The following MEF2A variants were observed in gnomAD, a reference collection of about 807,000 sequenced individuals.
The protein encoded by MEF2A is myocyte enhancer factor 2A.
A neutral mutation model predicts 55.8 loss-of-function variants in MEF2A; 28 were observed. That is an observed-to-expected ratio of 0.50 (90% CI 0.37 to 0.69). The LOEUF is 0.69. Ranked by LOEUF, MEF2A falls within the 30% of genes least tolerant of loss-of-function variation. The probability of loss-of-function intolerance (pLI) is 0.00; values close to 1 mark genes in which losing one functional copy is unlikely to be tolerated. For missense variants in MEF2A, 528 were observed against 626.2 expected (o/e 0.84, Z 1.67); for synonymous variants, 239 against 227.1 (o/e 1.05, Z -0.47).
intron 7 of MEF2A, among the ~76,000 whole-genome samples, chr15:99,679,588 T>C (rs2052814981): frequency 6.6e-6 from 1 of 152,224 alleles, no homozygotes; most frequent in Non-Finnish European, 1.5e-5. Context: ...AAATTCACAA[T>C]AGTGGTTACT....
At chr15:99,593,674 G>A (rs1183430136) in intron 1 of MEF2A, among the ~76,000 whole-genome samples, 1 of 152,164 alleles carries the variant, frequency 6.6e-6, no homozygotes, top group Non-Finnish European at 1.5e-5. Context: ...GAAGCATCCA[G>A]TGAAATTTTG....
chr15:99,627,282 T>C (rs940915498), intron 2 of MEF2A, among the ~76,000 whole-genome samples: 2 of 151,734 alleles, frequency 1.3e-5, no homozygotes, highest in African/African-American at 2.4e-5. Flanking sequence ...TAGCTGAACA[T>C]GATGATGGAT....
intron 8 of MEF2A, among the ~76,000 whole-genome samples, chr15:99,700,614 T>TA (rs2153783789): frequency 6.6e-6 from 1 of 152,280 alleles, no homozygotes; most frequent in South Asian, 2.1e-4. Flanking sequence ...TAGCATCCAG[T>TA]AACTGAACAT....
At chr15:99,599,443 A>C (rs1189581332) in intron 2 of MEF2A, among the ~76,000 whole-genome samples, 1 of 152,102 alleles carries the variant, frequency 6.6e-6, no homozygotes, top group Non-Finnish European at 1.5e-5. Context: ...CATAGGTCTA[A>C]ATTTTTTTTC....
At chr15:99,603,013 C>A (rs2862871) in intron 2 of MEF2A, among the ~76,000 whole-genome samples, 32,650 of 151,924 alleles carry the variant, frequency 0.21, 4,173 homozygotes, top group South Asian at 0.31. Context: ...AATCCCTATT[C>A]TTTTACATTT....
chr15:99,601,587 T>C (rs1973010848), intron 2 of MEF2A, among the ~76,000 whole-genome samples: 1 of 151,084 alleles, frequency 6.6e-6, no homozygotes, highest in East Asian at 2.0e-4. Flanking sequence ...TCTATTAATA[T>C]GGTCACCTAC....
At chr15:99,588,597 C>T (rs1181054305) in intron 1 of MEF2A, among the ~76,000 whole-genome samples, 1 of 151,568 alleles carries the variant, frequency 6.6e-6, no homozygotes, top group Non-Finnish European at 1.5e-5. Flanking sequence ...TGAGCCACTG[C>T]ACCTGGCCTT....
intron 4 of MEF2A, among the ~76,000 whole-genome samples, chr15:99,650,724 G>C (rs942424028): frequency 4.6e-5 from 7 of 152,202 alleles, no homozygotes; most frequent in African/African-American, 1.7e-4. Context: ...AATAAAAGCA[G>C]ATGGTAGTGA....
intron 7 of MEF2A, among the ~76,000 whole-genome samples, chr15:99,685,175 G>C (rs1252115264): frequency 6.6e-6 from 1 of 152,140 alleles, no homozygotes; most frequent in African/African-American, 2.4e-5. Context: ...TGGCTATGCA[G>C]GCTCTTTTGG....
chr15:99,644,012 G>A (rs562031824), intron 3 of MEF2A, among the ~76,000 whole-genome samples: 1 of 152,174 alleles, frequency 6.6e-6, no homozygotes, highest in African/African-American at 2.4e-5. Flanking sequence ...GTATTGGCTA[G>A]TTAAATTTTC....
intron 2 of MEF2A, among the ~76,000 whole-genome samples, chr15:99,614,189 C>T (rs537100805): frequency 2.6e-5 from 4 of 152,278 alleles, no homozygotes; most frequent in Non-Finnish European, 5.9e-5. Context: ...TCTAACACAG[C>T]TACTGATAAA....
intron 7 of MEF2A, among the ~76,000 whole-genome samples, chr15:99,684,157 A>G (rs2053777047): frequency 1.3e-5 from 2 of 152,114 alleles, no homozygotes; most frequent in African/African-American, 2.4e-5. Flanking sequence ...TATTTTCGCA[A>G]TTGCAAAATG....
chr15:99,608,996 G>T (rs1178919070), intron 2 of MEF2A, among the ~76,000 whole-genome samples: 1 of 152,192 alleles, frequency 6.6e-6, no homozygotes, highest in Admixed American at 6.5e-5. Flanking sequence ...CTAACAAGTA[G>T]ATAGTTTAGA....
At chr15:99,643,043 TAAAG>T (rs1443948998) in intron 3 of MEF2A, among the ~76,000 whole-genome samples, 1 of 152,234 alleles carries the variant, frequency 6.6e-6, no homozygotes, top group Non-Finnish European at 1.5e-5. Context: ...GAAGTTAATA[TAAAG>T]AATTTACATC....
At chr15:99,640,418 G>T (rs2044666339) in intron 3 of MEF2A, among the ~76,000 whole-genome samples, 1 of 151,966 alleles carries the variant, frequency 6.6e-6, no homozygotes. Context: ...CCTCAGTAAG[G>T]CATGTTTGTC....
At chr15:99,644,383 C>T (rs1047419275) in intron 3 of MEF2A, among the ~76,000 whole-genome samples, 20 of 152,134 alleles carry the variant, frequency 1.3e-4, no homozygotes, top group African/African-American at 4.8e-4. Context: ...TTGAATTGTA[C>T]ATGTGAAATG....
intron 7 of MEF2A, among the ~76,000 whole-genome samples, chr15:99,687,143 G>A (rs2054435170): frequency 8.4e-6 from 1 of 118,374 alleles, no homozygotes; most frequent in African/African-American, 3.3e-5. Context: ...TGCCCAGGCT[G>A]GTTTTGAACT....
At chr15:99,648,670 A>C in intron 4 of MEF2A, among the ~76,000 whole-genome samples, 1 of 152,188 alleles carries the variant, frequency 6.6e-6, no homozygotes, top group East Asian at 1.9e-4. Context: ...GTCTTTAAAA[A>C]ATCAGCAGGA....
chr15:99,645,212 T>G (rs561000072), intron 3 of MEF2A, among the ~76,000 whole-genome samples: 1 of 152,264 alleles, frequency 6.6e-6, no homozygotes, highest in East Asian at 1.9e-4. Context: ...TGATGCTACA[T>G]TACCTGGCTG....
Sources: allele counts gnomAD v4.1 joint callset (sites outside exome capture counted in the v4.1 genomes callset), GRCh38; gene constraint gnomAD v4.1.1; transcripts MANE v1.5; gene names NCBI Gene and HGNC (gene_info 2026-07-23, HGNC 2026-07-21).